ARSH: variants seen among roughly 807,000 people sequenced by gnomAD.
ARSH encodes arylsulfatase H.
Under a neutral mutation model 28.7 loss-of-function variants are expected in ARSH, and 32 were observed. That is an observed-to-expected ratio of 1.11 (90% CI 0.84 to 1.50). The LOEUF (loss-of-function observed/expected upper bound fraction) is 1.50. Ranked by LOEUF, ARSH falls within the 40% of genes most tolerant of loss-of-function variation. The probability of loss-of-function intolerance (pLI) is 0.00; values close to 1 mark genes in which losing one functional copy is unlikely to be tolerated. For synonymous variants in ARSH, 176 were observed against 177.3 expected (o/e 0.99, Z 0.06); for missense variants, 440 against 452.4 (o/e 0.97, Z 0.25).
At chrX:3,028,835 T>C (rs2089905665) in intron 7 of ARSH, among the ~76,000 whole-genome samples, 1 of 110,668 alleles carries the variant, frequency 9.0e-6, no homozygotes, top group Non-Finnish European at 1.9e-5. Flanking sequence ...ATCCTAGCAC[T>C]TTGGGAGGCC....
At chrX:3,011,851 T>C (rs1387814851) in intron 2 of ARSH, among the ~76,000 whole-genome samples, 3 of 111,482 alleles carry the variant, frequency 2.7e-5, no homozygotes, top group Non-Finnish European at 5.7e-5. Flanking sequence ...AAATATACTT[T>C]TTTCTTTTGA....
Position 3,006,568 on chromosome X carries a change from T to C in ARSH, c.-45T>C. The C allele has an allele frequency of 1.8e-6, 2 of 1,090,161 alleles. No homozygotes were observed. The highest frequency in any genetic ancestry group is 3.9e-5 in the South Asian group (2 of 51,440). 89.8% of individuals were successfully genotyped at this position (1,090,161 alleles called of 1,213,427 possible). ...AAATGCTTTCAGGAGCTGCTGGCTG[T>C]CAGTGTCCCTGTGCTGTTTGTTTTG... is the stretch of plus-strand genomic sequence containing the variant. On this transcript the variant is annotated 5_prime_UTR_variant, in exon 1 of 9. Transcript: ENST00000381130.
At chrX:3,007,631 T>C (rs942473184) in intron 1 of ARSH, among the ~76,000 whole-genome samples, 43 of 98,788 alleles carry the variant, frequency 4.4e-4, no homozygotes, top group African/African-American at 7.9e-4. Flanking sequence ...TCCCTGTGTC[T>C]TCACAGGGTC....
intron 7 of ARSH, 123 bp from the exon 8 acceptor site, chrX:3,029,124 C>A: frequency 1.4e-6 from 1 of 709,924 alleles, no homozygotes; most frequent in Non-Finnish European, 2.0e-6. Context: ...TTATCTTTCG[C>A]CTCCTTCTCT....
intron 1 of ARSH, among the ~76,000 whole-genome samples, chrX:3,007,697 T>C (rs770651428): frequency 4.6e-4 from 49 of 106,899 alleles, no homozygotes; most frequent in Admixed American, 1.8e-3. Context: ...TGTCTTAGTC[T>C]ATTTCAGGCT....
intron 1 of ARSH, among the ~76,000 whole-genome samples, chrX:3,009,123 T>A (rs1194599481): frequency 9.0e-6 from 1 of 111,135 alleles, no homozygotes; most frequent in East Asian, 2.8e-4. Context: ...AGTGGGAGGA[T>A]CATTTGAAGC....
In ARSH at chrX:3,021,863, C is replaced by A. The variant is rs1430026558; in HGVS notation, c.902-2158C>A. ...GAGTAGCTGGGACTAAAAATGTGCA[C>A]CACCATGTCTGGCCAATTTGTGTGT... On this transcript the variant is annotated intron_variant, in intron 5 of 8. Coordinates refer to ENST00000381130, the MANE Select transcript of ARSH (RefSeq NM_001011719.2). Among the ~76,000 whole-genome samples, 3 of 98,029 alleles carry A rather than the reference C, an allele frequency of 3.1e-5. No homozygotes were observed. In the Admixed American group the frequency reaches 3.5e-4, roughly 11 times the overall value. The allele number at this position is 98,029 out of a possible 115,157, so 85.1% of individuals were successfully genotyped here. A position where few individuals can be genotyped will look rare whatever the true frequency, so the allele number is the denominator to read the frequency against.
Position 3,024,499 on chromosome X carries a change from C to G in ARSH, c.1036+344C>G, listed in dbSNP as rs760690985. On this transcript the variant is annotated intron_variant, in intron 6 of 8. Coordinates refer to ENST00000381130, the MANE Select transcript of ARSH (RefSeq NM_001011719.2). The stretch of plus-strand genomic sequence containing the variant: ...GTAGGTGTTGAACAGCGTCTGTGGG[C>G]TCCACCCACACATGCCAGTAGCACC... 3.6e-5 allele frequency among the ~76,000 whole-genome samples: 4 copies of G among 110,735 alleles called. No individual in the cohort carries two copies. In the South Asian group the frequency reaches 1.6e-3, roughly 44 times the overall value.
At chrX:3,008,187 A>G (rs888656635) in intron 1 of ARSH, among the ~76,000 whole-genome samples, 16 of 112,131 alleles carry the variant, frequency 1.4e-4, no homozygotes, top group African/African-American at 5.2e-4. Context: ...ATGGCTGAAT[A>G]CTTTTTCATT....
rs1256704352 is a variant in ARSH, at chrX:3,033,376, G to A, written c.1680G>A (p.Met560Ile). ...GCDKEDDILP[M>I]AP ...ACAAGGAAGATGACATCCTTCCCAT[G>A]GCTCCCTGAGACCATGCGGACCACG... The change falls in exon 9 of 9, where the codon ATG (methionine) becomes ATA (isoleucine). Residue 560 changes from methionine (M) to isoleucine (I), a missense_variant. Physicochemically the swap from Met to Ile is conservative, Grantham distance 10. Transcript: ENST00000381130. 1 of 1,200,165 alleles carries A rather than the reference G, an allele frequency of 8.3e-7. No homozygotes were observed. The highest frequency in any genetic ancestry group is 1.8e-5 in the South Asian group (1 of 54,561).
At chrX:3,017,212 T>C (rs1400091490) in intron 4 of ARSH, among the ~76,000 whole-genome samples, 2 of 111,442 alleles carry the variant, frequency 1.8e-5, no homozygotes, top group Non-Finnish European at 3.8e-5. Context: ...CTTCTTTCTA[T>C]GCTGGTTGTG....
intron 8 of ARSH, 105 bp from the exon 9 acceptor site, chrX:3,032,913 T>C (rs2089918403): frequency 2.4e-6 from 2 of 822,872 alleles, no homozygotes; most frequent in African/African-American, 2.1e-5. Flanking sequence ...TGCAGAAGAG[T>C]ATTATCAATC....
At chrX:3,031,496 T>C (rs1472692571) in intron 8 of ARSH, among the ~76,000 whole-genome samples, 1 of 111,997 alleles carries the variant, frequency 8.9e-6, no homozygotes, top group Non-Finnish European at 1.9e-5. Flanking sequence ...AGTCATTGCA[T>C]GAAATTCCAG....
Position 3,033,463 on chromosome X carries a change from C to G in ARSH, c.*78C>G. On this transcript the variant is annotated 3_prime_UTR_variant, in exon 9 of 9. Transcript: ENST00000381130. ...AGGAGCAGAGCTCACCTGACTGATT[C>G]ATTCCATTTGGGATAAAAACTGATG... 1 of 1,025,346 alleles carries G rather than the reference C, an allele frequency of 9.8e-7. No individual in the cohort carries two copies. The highest frequency in any genetic ancestry group is 2.5e-5 in the South Asian group (1 of 39,707). The allele number at this position is 1,025,346 out of a possible 1,213,427, so 84.5% of individuals were successfully genotyped here. A position where few individuals can be genotyped will look rare whatever the true frequency, so the allele number is the denominator to read the frequency against.
chrX:3,011,503 G>T (rs2089846639), intron 2 of ARSH, among the ~76,000 whole-genome samples: 1 of 111,350 alleles, frequency 9.0e-6, no homozygotes, highest in Admixed American at 9.6e-5. Flanking sequence ...CACCTGCCTT[G>T]GCCACCCAAA....
chrX:3,012,583 A>ATAT lies in ARSH; in HGVS notation c.215-463_215-461dup, dbSNP rs1555914115. The stretch of plus-strand genomic sequence containing the variant: ...AAAAAAAAAAAATATATATATATAT[A>ATAT]TATATATATATATATAATATATATA... On this transcript the variant is annotated intron_variant, in intron 2 of 8. Coordinates refer to ENST00000381130, the MANE Select transcript of ARSH (RefSeq NM_001011719.2). Among the ~76,000 whole-genome samples, 147 of 17,904 alleles carry ATAT rather than the reference A, an allele frequency of 8.2e-3. 2 individuals carry two copies. The highest frequency in any genetic ancestry group is 0.031 in the East Asian group (1 of 32). The allele number at this position is 17,904 out of a possible 115,157, so 15.5% of individuals were successfully genotyped here.
chrX:3,028,958 A>G (rs1352938113), intron 7 of ARSH, among the ~76,000 whole-genome samples: 1 of 108,759 alleles, frequency 9.2e-6, no homozygotes. Flanking sequence ...TGTGCCTGTA[A>G]TCCCAGCTAC....
At chrX:3,018,495 T>C (rs2089871962) in intron 4 of ARSH, 39 bp from the exon 5 acceptor site, 1 of 1,188,587 alleles carries the variant, frequency 8.4e-7, no homozygotes, top group Non-Finnish European at 1.1e-6. Context: ...AATGACTTCA[T>C]ATTTGTGAAG....
intron 2 of ARSH, 110 bp downstream of exon 2, chrX:3,010,261 G>A (rs2039973094): frequency 3.0e-6 from 3 of 985,168 alleles, no homozygotes; most frequent in Non-Finnish European, 4.1e-6. Flanking sequence ...GAGTATTAGG[G>A]ATCTAAATTC....
Sources: allele counts gnomAD v4.1 joint callset (sites outside exome capture counted in the v4.1 genomes callset), GRCh38; gene constraint gnomAD v4.1.1; transcripts MANE v1.5; gene names NCBI Gene and HGNC (gene_info 2026-07-23, HGNC 2026-07-21).